Variants in MYO3B observed in about 807,000 individuals in gnomAD.
The protein encoded by MYO3B is myosin IIIB, also known as myosin-IIIb.
MYO3B carries 156 observed loss-of-function variants against 174.6 expected under a neutral mutation model. The observed-to-expected ratio is 0.89, with a 90% CI of 0.78 to 1.02. The LOEUF is 1.02. Among genes scored for constraint, MYO3B ranks in the 50% least tolerant of loss-of-function variants. MYO3B has a pLI of 0.00. For missense variants in MYO3B, 1,632 were observed against 1,639.4 expected, an observed-to-expected ratio of 1.00 and a Z score of 0.08; for synonymous variants, 563 against 569.1, an observed-to-expected ratio of 0.99 and a Z score of 0.15.
chr2:170,601,539 A>G, intron 32 of MYO3B: 1 of 912,062 alleles, frequency 1.1e-6, no homozygotes, highest in South Asian at 1.6e-5. Context: ...TTTTTTATTT[A>G]AAAGGAGTGA....
intron 25 of MYO3B, among the ~76,000 whole-genome samples, chr2:170,493,435 T>G (rs2106053710): frequency 6.6e-6 from 1 of 152,288 alleles, no homozygotes; most frequent in Non-Finnish European, 1.5e-5. Flanking sequence ...CCTTGGATAA[T>G]AATTTTAGCC....
chr2:170,572,297 G>A (rs1007456301), intron 32 of MYO3B, among the ~76,000 whole-genome samples: 5 of 151,840 alleles, frequency 3.3e-5, no homozygotes, highest in Non-Finnish European at 5.9e-5. Flanking sequence ...GTGTGGTGGC[G>A]GGTGCCTATA....
chr2:170,397,109 C>G (rs1042274957), intron 16 of MYO3B, among the ~76,000 whole-genome samples: 2 of 152,092 alleles, frequency 1.3e-5, no homozygotes, highest in African/African-American at 2.4e-5. Context: ...CTTAGCCACT[C>G]TTAAGTTGGG....
chr2:170,374,312 C>T lies in MYO3B; in HGVS notation c.971+4935C>T, dbSNP rs79091707. 8.8e-3 allele frequency among the ~76,000 whole-genome samples: 1,334 copies of T among 152,160 alleles called. 23 individuals are homozygous for T. The highest frequency in any genetic ancestry group is 0.03 in the African/African-American group (1,248 of 41,488). ...AAGTGACACCAGACTGGCTTATTGA[C>T]TTTGAGGCTGATCTAGTCCTGGGAC... On this transcript the variant is annotated intron_variant, in intron 9 of 34. Coordinates refer to ENST00000408978, the MANE Select transcript of MYO3B (RefSeq NM_138995.5).
At chr2:170,389,534 G>A (rs2094398138) in intron 14 of MYO3B, among the ~76,000 whole-genome samples, 1 of 152,168 alleles carries the variant, frequency 6.6e-6, no homozygotes, top group African/African-American at 2.4e-5. Flanking sequence ...GACAGATAAA[G>A]GGATGAAAAT....
intron 1 of MYO3B, among the ~76,000 whole-genome samples, chr2:170,190,830 TG>T (rs1173138346): frequency 1.3e-5 from 2 of 152,028 alleles, no homozygotes; most frequent in Non-Finnish European, 2.9e-5. Context: ...AGAGCCCACT[TG>T]GTGCTCTACC....
intron 7 of MYO3B, among the ~76,000 whole-genome samples, chr2:170,236,858 T>C (rs1339747307): frequency 2.0e-5 from 3 of 152,240 alleles, no homozygotes. Flanking sequence ...AGGAAGGCTC[T>C]GGGCAGGCTG....
chr2:170,557,145 T>TA (rs762582331), intron 32 of MYO3B, among the ~76,000 whole-genome samples: 2,302 of 106,370 alleles, frequency 0.022, 52 homozygotes, highest in Middle Eastern at 0.044. Context: ...TATTTTTATT[T>TA]TTATTTTTTT....
At chr2:170,425,977 A>C (rs2105870578) in intron 22 of MYO3B, among the ~76,000 whole-genome samples, 1 of 152,262 alleles carries the variant, frequency 6.6e-6, no homozygotes, top group South Asian at 2.1e-4. Context: ...CCCTCAAAAA[A>C]TGTTAGTATT....
At chr2:170,618,329 G>T (rs1695602249) in intron 32 of MYO3B, among the ~76,000 whole-genome samples, 1 of 152,194 alleles carries the variant, frequency 6.6e-6, no homozygotes, top group East Asian at 1.9e-4. Context: ...CGTAACAGAG[G>T]TAGAAGGATC....
chr2:170,551,242 T>C (rs1690859320), intron 32 of MYO3B, among the ~76,000 whole-genome samples: 1 of 152,076 alleles, frequency 6.6e-6, no homozygotes, highest in Non-Finnish European at 1.5e-5. Context: ...TTATAAACTA[T>C]GCTACTTCTG....
chr2:170,625,682 T>G (rs188030578), intron 32 of MYO3B, among the ~76,000 whole-genome samples: 49 of 152,344 alleles, frequency 3.2e-4, no homozygotes, highest in African/African-American at 1.2e-3. Flanking sequence ...CTTTCTCTTG[T>G]GGGCATTTAG....
Position 170,558,744 on chromosome 2 carries a change from T to A in MYO3B, c.3733+14756T>A, listed in dbSNP as rs114281718. ...ACAAAGAAGAGATGTTCATGGATGA[T>A]GGTCCCATACCCTTGGCAGGGTGGC... On this transcript the variant is annotated intron_variant, in intron 32 of 34. Coordinates refer to ENST00000408978, the MANE Select transcript of MYO3B (RefSeq NM_138995.5). Among the ~76,000 whole-genome samples the A allele has an allele frequency of 3.8e-3, 576 of 152,362 alleles. 2 individuals carry two copies. Among genetic ancestry groups the A allele is most frequent in the African/African-American group, 0.013 (529 of 41,584 alleles).
intron 7 of MYO3B, among the ~76,000 whole-genome samples, chr2:170,295,968 G>A (rs1169004145): frequency 6.6e-6 from 1 of 152,112 alleles, no homozygotes; most frequent in Non-Finnish European, 1.5e-5. Flanking sequence ...ACCTTTTTCA[G>A]GGGTCCTAAA....
intron 6 of MYO3B, among the ~76,000 whole-genome samples, chr2:170,225,647 G>C (rs1238500306): frequency 1.3e-5 from 2 of 152,066 alleles, no homozygotes; most frequent in African/African-American, 2.4e-5. Flanking sequence ...TTTTAATATG[G>C]CTTCAGTTTG....
intron 8 of MYO3B, chr2:170,343,535 C>T (rs990472749): frequency 7.2e-5 from 11 of 152,298 alleles, no homozygotes; most frequent in African/African-American, 2.7e-4. Flanking sequence ...GCATCTCTCT[C>T]TGCTGTCAGC....
chr2:170,508,494 C>T (rs1240498380), intron 28 of MYO3B, among the ~76,000 whole-genome samples: 1 of 152,190 alleles, frequency 6.6e-6, no homozygotes, highest in Non-Finnish European at 1.5e-5. Flanking sequence ...TCAAAAGACT[C>T]TTGGAAATAG....
intron 6 of MYO3B, among the ~76,000 whole-genome samples, chr2:170,234,933 T>C (rs1251623727): frequency 6.6e-6 from 1 of 152,182 alleles, no homozygotes; most frequent in Non-Finnish European, 1.5e-5. Context: ...TCATAATCTA[T>C]CCTCTGCACA....
intron 8 of MYO3B, among the ~76,000 whole-genome samples, chr2:170,362,922 G>A (rs2094172307): frequency 6.6e-6 from 1 of 152,148 alleles, no homozygotes; most frequent in South Asian, 2.1e-4. Context: ...GTCTTGTCTT[G>A]CAGAATGGAA....
Sources: gnomAD v4.1 joint callset for allele counts (sites outside exome capture counted in the v4.1 genomes callset) on GRCh38, gnomAD v4.1.1 for gene constraint, MANE v1.5 for transcripts, NCBI Gene and HGNC (gene_info 2026-07-23, HGNC 2026-07-21) for gene names.